DOCK9: variants seen among roughly 807,000 people sequenced by gnomAD.
The protein encoded by DOCK9 is dedicator of cytokinesis 9, also known as dedicator of cytokinesis protein 9.
Under a neutral mutation model 263.3 loss-of-function variants are expected in DOCK9, and 89 were observed. The observed-to-expected ratio is 0.34, with a 90% CI of 0.28 to 0.40. The LOEUF (loss-of-function observed/expected upper bound fraction) is 0.40, where lower values mean the gene tolerates loss of function less well. DOCK9 is among the 10% of genes least tolerant of loss of function. The pLI is 1.00. For missense variants in DOCK9, 2,140 were observed against 2,603.4 expected, an observed-to-expected ratio of 0.82 and a Z score of 3.87; for synonymous variants, 976 against 973.1, an observed-to-expected ratio of 1.00 and a Z score of -0.06.
intron 1 of DOCK9, among the ~76,000 whole-genome samples, chr13:99,067,848 T>A (rs1332838251): frequency 6.6e-6 from 1 of 150,966 alleles, no homozygotes; most frequent in Non-Finnish European, 1.5e-5. Context: ...GATGCCAAGA[T>A]TCCACATTGT....
At chr13:99,018,525 C>G (rs1402983892) in intron 1 of DOCK9, among the ~76,000 whole-genome samples, 2 of 124,320 alleles carry the variant, frequency 1.6e-5, no homozygotes, top group Non-Finnish European at 3.7e-5. Context: ...CACATTGAAG[C>G]AACTTGTGCC....
upstream of DOCK9, among the ~76,000 whole-genome samples, chr13:98,980,331 C>T (rs1348268026): frequency 6.6e-6 from 1 of 152,254 alleles, no homozygotes; most frequent in African/African-American, 2.4e-5. Context: ...ATTTAATCTT[C>T]ATAACTCTAT....
At chr13:99,019,149 A>T (rs1182478335) in intron 1 of DOCK9, among the ~76,000 whole-genome samples, 5 of 152,180 alleles carry the variant, frequency 3.3e-5, no homozygotes, top group Admixed American at 6.5e-5. Flanking sequence ...CCCATATTGT[A>T]TTACTGAAAG....
At chr13:99,082,977 G>T (rs1803151556) in intron 1 of DOCK9, among the ~76,000 whole-genome samples, 1 of 152,152 alleles carries the variant, frequency 6.6e-6, no homozygotes, top group Non-Finnish European at 1.5e-5. Context: ...AATTCTGTCT[G>T]GGTGTGGTGG....
At chr13:98,866,046 C>T (rs1470906753) in intron 30 of DOCK9, among the ~76,000 whole-genome samples, 3 of 152,112 alleles carry the variant, frequency 2.0e-5, no homozygotes, top group Non-Finnish European at 4.4e-5. Context: ...TCTCTCAGCC[C>T]AGAAAAAGTC....
chr13:98,861,472 C>A (rs2093868938), intron 32 of DOCK9, among the ~76,000 whole-genome samples: 3 of 152,200 alleles, frequency 2.0e-5, no homozygotes, highest in Admixed American at 2.0e-4. Context: ...TGCTGAAATT[C>A]ATAGCAGATA....
intron 45 of DOCK9, among the ~76,000 whole-genome samples, chr13:98,814,134 A>G (rs1450178675): frequency 6.6e-6 from 1 of 152,236 alleles, no homozygotes; most frequent in East Asian, 1.9e-4. Flanking sequence ...GACTCAATTT[A>G]GCAGAAAACG....
intron 21 of DOCK9, 129 bp downstream of exon 21, chr13:98,884,842 T>G (rs1049276598): frequency 3.5e-6 from 4 of 1,150,288 alleles, no homozygotes; most frequent in Non-Finnish European, 4.8e-6. Context: ...TACTTGAAAA[T>G]GAATAACTAA....
At chr13:98,912,923 C>T (rs1408719) in intron 9 of DOCK9, among the ~76,000 whole-genome samples, 105,958 of 152,002 alleles carry the variant, frequency 0.7, 37,255 homozygotes, top group Middle Eastern at 0.81. Flanking sequence ...AACCCCCAAA[C>T]ATCCAGAAAC....
intron 1 of DOCK9, among the ~76,000 whole-genome samples, chr13:98,995,277 C>T (rs1389309700): frequency 2.0e-5 from 3 of 152,148 alleles, no homozygotes; most frequent in Non-Finnish European, 4.4e-5. Flanking sequence ...TCATCATATA[C>T]ACCAGCAAGC....
chr13:98,822,438 T>C (rs889247623), intron 45 of DOCK9, among the ~76,000 whole-genome samples: 2 of 152,200 alleles, frequency 1.3e-5, no homozygotes, highest in African/African-American at 4.8e-5. Context: ...TTCCAATCTT[T>C]AATTGTTCCT....
In DOCK9 at chr13:99,052,356, C is replaced by T. The variant is rs1454333519; in HGVS notation, c.129+33867G>A. On this transcript the variant is annotated intron_variant, in intron 1 of 32. Coordinates refer to the DOCK9 transcript ENST00000427887. Reference sequence around the variant, plus strand: ...CTGGTAAACAAATGCCAGCACACAGCTTACTTCTCCCTGACCTCAGCTCCC... The same window carrying T: ...CTGGTAAACAAATGCCAGCACACAGTTTACTTCTCCCTGACCTCAGCTCCC... 2.6e-5 allele frequency among the ~76,000 whole-genome samples: 4 copies of T among 152,176 alleles called. No individual in the cohort carries two copies. The East Asian group carries it at 7.7e-4, about 29-fold the overall frequency.
intron 46 of DOCK9, among the ~76,000 whole-genome samples, chr13:98,809,740 G>A (rs147752936): frequency 5.3e-5 from 8 of 152,302 alleles, no homozygotes; most frequent in East Asian, 1.9e-4. Context: ...GTTCCCCAAC[G>A]TGATTCTTGG....
chr13:98,989,684 A>C (rs976938709), intron 1 of DOCK9, among the ~76,000 whole-genome samples: 10 of 152,200 alleles, frequency 6.6e-5, no homozygotes, highest in Non-Finnish European at 1.0e-4. Context: ...TTGAAGCCAA[A>C]AGTTTACCAT....
chr13:99,076,294 A>G (rs1437112680), intron 1 of DOCK9, among the ~76,000 whole-genome samples: 1 of 152,206 alleles, frequency 6.6e-6, no homozygotes, highest in African/African-American at 2.4e-5. Context: ...CAGATAAATG[A>G]GTTACTAAAT....
Position 98,976,264 on chromosome 13 carries a change from T to C in DOCK9, c.126+1520A>G, listed in dbSNP as rs189069783. Among the ~76,000 whole-genome samples the C allele has an allele frequency of 1.5e-3, 235 of 152,290 alleles. 1 individual carries two copies. The highest frequency in any genetic ancestry group is 2.4e-3 in the Non-Finnish European group (166 of 68,030). Reference sequence around the variant, plus strand: ...GCTGTAGCCAGCACAGCTTTATCCATTGCAGTGGAAAAAGACCCCCAGAGG... The same window carrying C: ...GCTGTAGCCAGCACAGCTTTATCCACTGCAGTGGAAAAAGACCCCCAGAGG... On this transcript the variant is annotated intron_variant, in intron 1 of 52. Transcript: ENST00000682017.
At chr13:98,844,997 G>T (rs1200728917) in intron 38 of DOCK9, among the ~76,000 whole-genome samples, 1 of 152,124 alleles carries the variant, frequency 6.6e-6, no homozygotes. Context: ...AGAAGAGATG[G>T]AACAATTTAG....
intron 30 of DOCK9, among the ~76,000 whole-genome samples, chr13:98,865,976 T>C (rs1179337056): frequency 7.3e-6 from 1 of 136,350 alleles, no homozygotes; most frequent in Non-Finnish European, 1.6e-5. Flanking sequence ...AATAGGGGGG[T>C]GTGAGACCAC....
At chr13:98,876,801 C>T (rs2043929797) in intron 27 of DOCK9, among the ~76,000 whole-genome samples, 1 of 145,138 alleles carries the variant, frequency 6.9e-6, no homozygotes, top group African/African-American at 2.4e-5. Context: ...TCTGCAGGGC[C>T]AGGGAAGCAG....
Sources: gnomAD v4.1 joint callset for allele counts (sites outside exome capture counted in the v4.1 genomes callset) on GRCh38, gnomAD v4.1.1 for gene constraint, MANE v1.5 for transcripts, NCBI Gene and HGNC (gene_info 2026-07-23, HGNC 2026-07-21) for gene names.